The following GAK variants were observed in gnomAD, a reference collection of about 807,000 sequenced individuals.
GAK encodes the protein cyclin-G-associated kinase.
Under a neutral mutation model 143.9 loss-of-function variants are expected in GAK, and 79 were observed. The observed-to-expected ratio is 0.55, with a 90% CI of 0.46 to 0.66. The LOEUF (loss-of-function observed/expected upper bound fraction) is 0.66, where lower values mean the gene tolerates loss of function less well. GAK is among the 30% of genes least tolerant of loss of function. The pLI, the probability that GAK is intolerant of heterozygous loss-of-function variation, is 0.00. For missense variants in GAK, 1,693 were observed against 1,779.7 expected, an observed-to-expected ratio of 0.95 and a Z score of 0.88; for synonymous variants, 881 against 765.5, an observed-to-expected ratio of 1.15 and a Z score of -2.49.
chr4:849,759 A>G lies in GAK; in HGVS notation c.3850T>C (p.Tyr1284His). The G allele has an allele frequency of 3.1e-6, 5 of 1,612,968 alleles. No homozygotes were observed. The highest frequency in any genetic ancestry group is 4.2e-6 in the Non-Finnish European group (5 of 1,179,536). The change falls in exon 28 of 28, where the codon TAC becomes CAC. Residue 1284 changes from tyrosine (Y) to histidine (H), a missense_variant. By Grantham distance (83) the Tyr-to-His change is moderately conservative. Transcript: ENST00000314167. Reference sequence around the variant, plus strand: ...AAGATCATCTTGGCGTGCTGCTCGTACGGCTGCCCCGCAGCCTATGGGTGA... The same window carrying G: ...AAGATCATCTTGGCGTGCTGCTCGTGCGGCTGCCCCGCAGCCTATGGGTGA... ...VHPDKAAGQPYEQHAKMIFME... is the reference protein window; with the variant it reads ...VHPDKAAGQPHEQHAKMIFME...
At chr4:849,831 A>AGGGGGGGGGGGGCC in intron 27 of GAK, 57 bp from the exon 28 acceptor site, 1 of 999,060 alleles carries the variant, frequency 1.0e-6, no homozygotes, top group Non-Finnish European at 1.4e-6. Context: ...CGGGCGGGGC[A>AGGGGGGGGGGGGCC]GGACCCCCCC....
chr4:879,652 G>A (rs576397899), intron 15 of GAK, among the ~76,000 whole-genome samples: 3 of 152,298 alleles, frequency 2.0e-5, no homozygotes, highest in South Asian at 4.1e-4. Context: ...GTTTTCATGT[G>A]TTCATCTTGC....
chr4:902,619 A>C (rs1219575251), intron 5 of GAK, among the ~76,000 whole-genome samples: 1 of 150,716 alleles, frequency 6.6e-6, no homozygotes, highest in Non-Finnish European at 1.5e-5. Context: ...AAAAAACCCC[A>C]AAAAACCTCT....
rs35567795 is a variant in GAK, at chr4:922,514, C to CAAAA, written c.146-8850_146-8847dup. Reference sequence around the variant, plus strand: ...TGGGTGACAGAGCGAGACTCCATCTCAAAAAAAAAAAAAAAAAAAAGGCAG... The same window carrying CAAAA: ...TGGGTGACAGAGCGAGACTCCATCTCAAAAAAAAAAAAAAAAAAAAAAAAGGCAG... On this transcript the variant is annotated intron_variant, in intron 1 of 27. Transcript: ENST00000314167. Among the ~76,000 whole-genome samples the CAAAA allele has an allele frequency of 7.9e-5, 5 of 62,924 alleles. 1 individual carries two copies. Among genetic ancestry groups the CAAAA allele is most frequent in the Non-Finnish European group, 1.2e-4 (4 of 34,506 alleles). The allele number at this position is 62,924 out of a possible 152,430, so 41.3% of individuals were successfully genotyped here.
intron 23 of GAK, among the ~76,000 whole-genome samples, chr4:862,913 A>G (rs71604328): frequency 6.6e-6 from 1 of 152,242 alleles, no homozygotes; most frequent in African/African-American, 2.4e-5. Context: ...CTGCTAACAC[A>G]ACATCTGTTC....
chr4:875,204 A>G (rs1479254404), intron 18 of GAK, among the ~76,000 whole-genome samples: 1 of 152,148 alleles, frequency 6.6e-6, no homozygotes, highest in Non-Finnish European at 1.5e-5. Flanking sequence ...TATTTTAAGC[A>G]CCGCCTCCAC....
intron 1 of GAK, among the ~76,000 whole-genome samples, chr4:926,961 CCGCTCACCTGCGCTCCGCACTGCCCCG>C: frequency 1.3e-4 from 8 of 62,342 alleles, no homozygotes; most frequent in Non-Finnish European, 2.2e-4. Context: ...GCACCCCTCC[CCGCTCACCTGCGCTCCGCACTGCCCCG>C]CACCCCTCCC....
intron 23 of GAK, among the ~76,000 whole-genome samples, chr4:862,835 G>A (rs1053678431): frequency 2.6e-5 from 4 of 152,152 alleles, no homozygotes; most frequent in African/African-American, 4.8e-5. Flanking sequence ...CTGACAATAC[G>A]GACAATGCAG....
chr4:912,833 G>A, intron 2 of GAK, 39 bp from the exon 3 acceptor site: 1 of 1,579,544 alleles, frequency 6.3e-7, no homozygotes, highest in Non-Finnish European at 8.7e-7. Context: ...ATGAAAGCAA[G>A]TTTACCTTCC....
intron 15 of GAK, among the ~76,000 whole-genome samples, chr4:880,498 C>G (rs1330695091): frequency 6.6e-6 from 1 of 152,186 alleles, no homozygotes; most frequent in African/African-American, 2.4e-5. Context: ...CTTGCCCGGC[C>G]CTCACTCTCC....
chr4:901,337 C>T (rs1382224113), intron 5 of GAK, among the ~76,000 whole-genome samples: 1 of 151,914 alleles, frequency 6.6e-6, no homozygotes, highest in Non-Finnish European at 1.5e-5. Context: ...TTGGATCCCC[C>T]ACCCAGGGCA....
chr4:930,897 G>T (rs1725592186), intron 1 of GAK, among the ~76,000 whole-genome samples: 1 of 152,196 alleles, frequency 6.6e-6, no homozygotes, highest in African/African-American at 2.4e-5. Flanking sequence ...TCTCCTGTCT[G>T]GTCACAGAGC....
intron 18 of GAK, among the ~76,000 whole-genome samples, chr4:871,233 A>C (rs888140207): frequency 1.3e-5 from 2 of 152,066 alleles, no homozygotes; most frequent in Non-Finnish European, 2.9e-5. Flanking sequence ...GTTTCCTGCA[A>C]CTCCAGGGGA....
chr4:859,343 G>A, intron 24 of GAK: 1 of 1,421,694 alleles, frequency 7.0e-7, no homozygotes. Context: ...TGGCCCTGAG[G>A]ACAGGATGGA....
At chr4:899,567 C>T (rs1020254748) in intron 5 of GAK, among the ~76,000 whole-genome samples, 2 of 151,314 alleles carry the variant, frequency 1.3e-5, no homozygotes, top group Non-Finnish European at 2.9e-5. Context: ...CAGAGGAAGC[C>T]CAAGTTCTGA....
rs376206021 is a variant in GAK at position 895,509 on chromosome 4, C to T, written c.741+951G>A. On this transcript the variant is annotated intron_variant, in intron 7 of 27. Transcript: ENST00000314167. ...TCCTCAAGGGACACAGGGCCTCAGC[C>T]TACAGCCCACATACTGTCTCAGCCT... Among the ~76,000 whole-genome samples, 304 of 152,346 alleles carry T rather than the reference C, an allele frequency of 2.0e-3. 12 individuals are homozygous for T. The South Asian group carries it at 0.059, about 29-fold the overall frequency.
intron 4 of GAK, among the ~76,000 whole-genome samples, chr4:909,401 G>C (rs999917652): frequency 1.3e-5 from 2 of 152,332 alleles, no homozygotes; most frequent in East Asian, 3.9e-4. Flanking sequence ...CACCTCAACC[G>C]AACACACACA....
chr4:905,791 T>C (rs546257848), intron 4 of GAK, among the ~76,000 whole-genome samples: 1 of 152,326 alleles, frequency 6.6e-6, no homozygotes, highest in East Asian at 1.9e-4. Flanking sequence ...CACGCTGCCT[T>C]TTCCAGCCAC....
At chr4:877,851 G>C (rs769771443) in intron 15 of GAK, 42 bp from the exon 16 acceptor site, 2 of 1,507,296 alleles carry the variant, frequency 1.3e-6, no homozygotes, top group Non-Finnish European at 1.8e-6. Flanking sequence ...CGTGCCCTGA[G>C]AGGGGACCAC....
Sources: allele counts gnomAD v4.1 joint callset (sites outside exome capture counted in the v4.1 genomes callset), GRCh38; gene constraint gnomAD v4.1.1; transcripts MANE v1.5; gene names NCBI Gene and HGNC (gene_info 2026-07-23, HGNC 2026-07-21).